ADCY3: variants seen among roughly 807,000 people sequenced by gnomAD.
ADCY3 encodes adenylate cyclase type 3.
ADCY3 carries 70 observed loss-of-function variants against 119.4 expected under a neutral mutation model. The observed-to-expected ratio is 0.59, with a 90% CI of 0.48 to 0.72. ADCY3 has a LOEUF of 0.72. Among genes scored for constraint, ADCY3 ranks in the 30% least tolerant of loss-of-function variants. The pLI, the probability that ADCY3 is intolerant of heterozygous loss-of-function variation, is 0.00. For missense variants in ADCY3, 1,238 were observed against 1,541.6 expected, an observed-to-expected ratio of 0.80 and a Z score of 3.30; for synonymous variants, 672 against 621.4, an observed-to-expected ratio of 1.08 and a Z score of -1.21.
chr2:24,901,779 T>TA (rs5829948), intron 2 of ADCY3, among the ~76,000 whole-genome samples: 44,532 of 128,264 alleles, frequency 0.35, 7,342 homozygotes, highest in African/African-American at 0.38. Flanking sequence ...ACCTCATCTT[T>TA]AAAAAAAAAA....
intron 3 of ADCY3, among the ~76,000 whole-genome samples, chr2:24,854,789 C>T (rs1186706564): frequency 3.9e-5 from 6 of 152,100 alleles, no homozygotes; most frequent in Non-Finnish European, 8.8e-5. Flanking sequence ...GTGGATCACG[C>T]CTGTAATCCC....
intron 2 of ADCY3, among the ~76,000 whole-genome samples, chr2:24,886,868 C>T (rs946391546): frequency 3.9e-5 from 6 of 152,216 alleles, no homozygotes; most frequent in East Asian, 1.9e-4. Context: ...CAAGGCAAGC[C>T]GGTCCCTGGG....
intron 2 of ADCY3, among the ~76,000 whole-genome samples, chr2:24,875,991 G>GA (rs200372442): frequency 6.7e-6 from 1 of 150,164 alleles, no homozygotes; most frequent in Non-Finnish European, 1.5e-5. Flanking sequence ...CTTTTTGGGA[G>GA]GGGGGCGGTG....
chr2:24,823,500 T>TG, intron 17 of ADCY3, 145 bp from the exon 18 acceptor site: 1 of 951,012 alleles, frequency 1.1e-6, no homozygotes, highest in Non-Finnish European at 1.5e-6. Flanking sequence ...GCATTTTTTT[T>TG]TTTTTTTTTA....
intron 12 of ADCY3, 96 bp from the exon 13 acceptor site, chr2:24,830,921 C>A (rs921817075): frequency 4.2e-6 from 4 of 957,400 alleles, no homozygotes; most frequent in Non-Finnish European, 6.5e-6. Flanking sequence ...GTATTCCAGT[C>A]CCAGGAGCCT....
chr2:24,869,544 T>C (rs1674710772), intron 3 of ADCY3, among the ~76,000 whole-genome samples: 1 of 152,158 alleles, frequency 6.6e-6, no homozygotes, highest in South Asian at 2.1e-4. Context: ...TAGCTGGGAC[T>C]ACAGGCATGC....
At chr2:24,843,231 G>A (rs1184878158) in intron 3 of ADCY3, among the ~76,000 whole-genome samples, 1 of 152,200 alleles carries the variant, frequency 6.6e-6, no homozygotes, top group Non-Finnish European at 1.5e-5. Flanking sequence ...CAATCTGACT[G>A]CTGCTGTCTT....
In ADCY3 at chr2:24,829,908, A is replaced by G. The variant is rs574220302; in HGVS notation, c.2172+801T>C. ...CTAAACCAATAGATCTGGGCTCCCA[A>G]CTCCTGTCCCTTTTCCCCAAGAAAG... On this transcript the variant is annotated intron_variant, in intron 13 of 21. Coordinates refer to ENST00000679454, the MANE Select transcript of ADCY3 (RefSeq NM_004036.5). Among the ~76,000 whole-genome samples, 8 of 151,342 alleles carry G rather than the reference A, an allele frequency of 5.3e-5. 1 individual carries two copies. Among genetic ancestry groups the G allele is most frequent in the Non-Finnish European group, 1.2e-4 (8 of 67,802 alleles).
At chr2:24,869,122 A>G (rs1209738345) in intron 3 of ADCY3, among the ~76,000 whole-genome samples, 1 of 152,192 alleles carries the variant, frequency 6.6e-6, no homozygotes, top group African/African-American at 2.4e-5. Flanking sequence ...CCTTAGCAAG[A>G]CTGATTAAGA....
At chr2:24,900,457 C>A (rs1678776496) in intron 2 of ADCY3, among the ~76,000 whole-genome samples, 2 of 151,912 alleles carry the variant, frequency 1.3e-5, no homozygotes, top group African/African-American at 4.8e-5. Flanking sequence ...GGGGCCATAC[C>A]CCCAATCTTA....
intron 6 of ADCY3, chr2:24,840,566 GGGGT>G: frequency 2.1e-6 from 1 of 468,088 alleles, no homozygotes. Flanking sequence ...CTCGGAGAAG[GGGGT>G]AAAGAGCAGG....
chr2:24,830,044 CTTT>C, intron 13 of ADCY3, among the ~76,000 whole-genome samples: 1 of 132,728 alleles, frequency 7.5e-6, no homozygotes, highest in East Asian at 2.2e-4. Flanking sequence ...AGTGAATTAC[CTTT>C]TTTTTTTTTT....
In ADCY3 at chr2:24,820,723, C is replaced by A. The variant is rs1449223260; in HGVS notation, c.3252+1G>T. On this transcript the variant is annotated splice_donor_variant, in intron 21 of 21. Transcript: ENST00000679454. LOFTEE classifies it high-confidence loss of function. ...CGTGCCAGCTGTGCCACTGGACATACCTGAATGTTGCCCATGACCCCCGTG... is the reference window on the plus strand; with the variant it reads ...CGTGCCAGCTGTGCCACTGGACATAACTGAATGTTGCCCATGACCCCCGTG... The A allele has an allele frequency of 1.2e-6, 2 of 1,614,036 alleles. No individual in the cohort carries two copies. Among genetic ancestry groups the A allele is most frequent in the South Asian group, 2.2e-5 (2 of 91,076 alleles).
chr2:24,857,769 C>A (rs1673184767), intron 3 of ADCY3, among the ~76,000 whole-genome samples: 1 of 152,140 alleles, frequency 6.6e-6, no homozygotes, highest in Non-Finnish European at 1.5e-5. Context: ...CAACTCAGTA[C>A]CACCCTGGGC....
intron 2 of ADCY3, among the ~76,000 whole-genome samples, chr2:24,883,217 G>A (rs984172864): frequency 4.6e-5 from 7 of 151,846 alleles, no homozygotes; most frequent in East Asian, 1.9e-4. Context: ...GCATGGTGGC[G>A]GGCACCTGTA....
Position 24,829,584 on chromosome 2 carries a change from C to T in ADCY3, c.2172+1125G>A, listed in dbSNP as rs530991764. On this transcript the variant is annotated intron_variant, in intron 13 of 21. Coordinates refer to ENST00000679454, the MANE Select transcript of ADCY3 (RefSeq NM_004036.5). Reference sequence around the variant, plus strand: ...TACAGGCGCCTGCCACCACGCCCGGCTAATTTTTTTGTATTTTTAGTAGAG... The same window carrying T: ...TACAGGCGCCTGCCACCACGCCCGGTTAATTTTTTTGTATTTTTAGTAGAG... Among the ~76,000 whole-genome samples the T allele has an allele frequency of 1.5e-4, 22 of 151,460 alleles. 1 individual carries two copies. The highest frequency in any genetic ancestry group is 3.1e-4 in the Non-Finnish European group (21 of 67,868).
intron 13 of ADCY3, 57 bp from the exon 14 acceptor site, chr2:24,828,218 C>T (rs1394633953): frequency 6.3e-7 from 1 of 1,595,322 alleles, no homozygotes; most frequent in East Asian, 2.2e-5. Flanking sequence ...AGGTGCTGGT[C>T]ACAGAGGGCT....
chr2:24,868,790 G>A (rs987036339), intron 3 of ADCY3, among the ~76,000 whole-genome samples: 1 of 152,098 alleles, frequency 6.6e-6, no homozygotes, highest in East Asian at 1.9e-4. Flanking sequence ...ACTGAGGCAG[G>A]CAGATCACAA....
intron 3 of ADCY3, among the ~76,000 whole-genome samples, chr2:24,851,482 G>A (rs1424437025): frequency 6.6e-6 from 1 of 152,160 alleles, no homozygotes; most frequent in African/African-American, 2.4e-5. Context: ...CAAAGCCTAG[G>A]CACAGAGAGA....
Sources: allele counts gnomAD v4.1 joint callset (sites outside exome capture counted in the v4.1 genomes callset), GRCh38; gene constraint gnomAD v4.1.1; transcripts MANE v1.5; gene names NCBI Gene and HGNC (gene_info 2026-07-23, HGNC 2026-07-21).